The following EVX1 variants were observed in gnomAD, a reference collection of about 807,000 sequenced individuals.
The protein encoded by EVX1 is homeobox even-skipped homolog protein 1.
Under a neutral mutation model 28.6 loss-of-function variants are expected in EVX1, and 19 were observed. The ratio of observed to expected loss-of-function variants is 0.67; its 90% CI spans 0.46 to 0.98. The LOEUF is 0.98. Ranked by LOEUF, EVX1 falls within the 50% of genes least tolerant of loss-of-function variation. EVX1 has a pLI of 0.00. For synonymous variants in EVX1, 324 were observed against 278.2 expected, an observed-to-expected ratio of 1.16 and a Z score of -1.64; for missense variants, 660 against 583.0, an observed-to-expected ratio of 1.13 and a Z score of -1.36.
In EVX1 at chr7:27,246,612, T is replaced by C; in HGVS notation, c.*187T>C. On this transcript the variant is annotated 3_prime_UTR_variant, in exon 3 of 3. Transcript: ENST00000496902. ...GGAAAGCCTAGGAAGTGGCGGTGGC[T>C]GGCGCGTTTGGGGAGCAGGAGTGGG... is the stretch of plus-strand genomic sequence containing the variant. The C allele has an allele frequency of 1.6e-6, 1 of 644,888 alleles. No individual in the cohort carries two copies. The highest frequency in any genetic ancestry group is 2.5e-6 in the Non-Finnish European group (1 of 395,082). 39.9% of individuals were successfully genotyped at this position (644,888 alleles called of 1,614,324 possible).
In EVX1 at chr7:27,246,492, C is replaced by T. The variant is rs531851784; in HGVS notation, c.*67C>T. 2 of 1,473,766 alleles carry T rather than the reference C, an allele frequency of 1.4e-6. No homozygotes were observed. Among genetic ancestry groups the T allele is most frequent in the Non-Finnish European group, 1.8e-6 (2 of 1,096,838 alleles). The allele number at this position is 1,473,766 out of a possible 1,614,324, so 91.3% of individuals were successfully genotyped here. A position where few individuals can be genotyped will look rare whatever the true frequency, so the allele number is the denominator to read the frequency against. On this transcript the variant is annotated 3_prime_UTR_variant, in exon 3 of 3. Coordinates refer to ENST00000496902, the MANE Select transcript of EVX1 (RefSeq NM_001989.5). ...TCACCCCCCGGCCCCGGGACTCAGCCAGCCTCGCTCCTCGCTCCTCGCTCC... is the reference window on the plus strand; with the variant it reads ...TCACCCCCCGGCCCCGGGACTCAGCTAGCCTCGCTCCTCGCTCCTCGCTCC...
Position 27,242,848 on chromosome 7 carries a change from A to C in EVX1, c.-183A>C. The C allele has an allele frequency of 6.6e-6, 4 of 608,440 alleles. No homozygotes were observed. Among genetic ancestry groups the C allele is most frequent in the South Asian group, 4.4e-5 (2 of 45,826 alleles). 37.7% of individuals were successfully genotyped at this position (608,440 alleles called of 1,614,324 possible). ...AGCGCTCGCTTCACAAGGTGACCCT[A>C]GCTCCCACCGCCACCGCCGCGGTCG... On this transcript the variant is annotated 5_prime_UTR_variant, in exon 1 of 3. Transcript: ENST00000496902.
Position 27,246,077 on chromosome 7 carries a change from C to T in EVX1, c.876C>T (p.Ala292=), listed in dbSNP as rs533815364. ...CGGTGGGCCTGGGCGCCGCATCCGC[C>T]GCCTCCGCCGCCGCCTCGCCCTTCA... ...YSPVGLGAAS[A]ASAAASPFSG... is the part of the protein sequence containing the mutation. The change falls in exon 3 of 3, where the codon GCC becomes GCT. Residue 292 remains alanine (A), a synonymous_variant. Coordinates refer to ENST00000496902, the MANE Select transcript of EVX1 (RefSeq NM_001989.5). The T allele has an allele frequency of 3.4e-5, 54 of 1,572,412 alleles. No individual in the cohort carries two copies. The South Asian group carries it at 5.3e-4, about 16-fold the overall frequency.
chr7:27,244,659 C>T (rs1783120718), intron 1 of EVX1: 1 of 340,324 alleles, frequency 2.9e-6, no homozygotes, highest in Non-Finnish European at 4.9e-6. Flanking sequence ...TACTACAATG[C>T]ACTTGACCCA....
At chr7:27,244,504 C>G in intron 1 of EVX1, 1 of 988,248 alleles carries the variant, frequency 1.0e-6, no homozygotes, top group Non-Finnish European at 1.2e-6. Context: ...CTGGACTCCA[C>G]TCACATATAC....
rs756439599 is a variant in EVX1 at position 27,245,112 on chromosome 7, C to T, written c.492C>T (p.Gly164=). ...GGAGCGAGACCCCCAAGAGCAACGG[C>T]GGCAGTGGTGGGGGCGGCTCGCAAG... ...NGGSETPKSN[G]GSGGGGSQGT... The change falls in exon 2 of 3, where the codon GGC becomes GGT. Residue 164 remains glycine (G), a synonymous_variant. Coordinates refer to ENST00000496902, the MANE Select transcript of EVX1 (RefSeq NM_001989.5). The T allele has an allele frequency of 4.3e-6, 7 of 1,613,012 alleles. No individual in the cohort carries two copies. The Admixed American group carries it at 5.0e-5, about 12-fold the overall frequency.
In EVX1 at chr7:27,245,038, C is replaced by T. The variant is rs749323271; in HGVS notation, c.428-10C>T. ...TCTGTACACGCCTGTGCTCTGGACT[C>T]GCTGTGCAGGGTCCGGCTCCGAGGC... On this transcript the variant is annotated splice_polypyrimidine_tract_variant and intron_variant, in intron 1 of 2. Transcript: ENST00000496902. The T allele has an allele frequency of 9.3e-6, 15 of 1,606,820 alleles. No homozygotes were observed. The highest frequency in any genetic ancestry group is 1.6e-4 in the Middle Eastern group (1 of 6,064).
Position 27,246,122 on chromosome 7 carries a change from C to G in EVX1, c.921C>G (p.Leu307=), listed in dbSNP as rs990629695. ...ASPFSGSLRP[L]DTFRVLSQPY... ...CCTTCAGCGGCTCGCTGCGCCCGCT[C>G]GACACGTTCCGCGTGCTGTCGCAGC... Residue 307 remains leucine, a synonymous_variant, in exon 3 of 3, where the codon CTC becomes CTG. Transcript: ENST00000496902. 6.5e-7 allele frequency: 1 copy of G among 1,537,942 alleles called. No homozygotes were observed. Among genetic ancestry groups the G allele is most frequent in the Non-Finnish European group, 8.7e-7 (1 of 1,151,938 alleles).
rs930346521 is a variant in EVX1, at chr7:27,246,135, G to A, written c.934G>A (p.Val312Met). 3.9e-6 allele frequency: 6 copies of A among 1,530,840 alleles called. No individual in the cohort carries two copies. The highest frequency in any genetic ancestry group is 5.2e-6 in the Non-Finnish European group (6 of 1,148,456). 94.8% of individuals were successfully genotyped at this position (1,530,840 alleles called of 1,614,324 possible). Residue 312 changes from valine to methionine, a missense_variant, in exon 3 of 3, where the codon GTG (valine) becomes ATG (methionine). By Grantham distance (21) the Val-to-Met change is conservative. This residue lies in a region of EVX1 where 299 missense variants were observed against 241.3 expected (regional missense o/e 1.24). Coordinates refer to ENST00000496902, the MANE Select transcript of EVX1 (RefSeq NM_001989.5). Reference sequence around the variant, plus strand: ...GCTGCGCCCGCTCGACACGTTCCGCGTGCTGTCGCAGCCCTACCCGCGGCC... The same window carrying A: ...GCTGCGCCCGCTCGACACGTTCCGCATGCTGTCGCAGCCCTACCCGCGGCC... ...GSLRPLDTFR[V>M]LSQPYPRPEL...
At chr7:27,244,938 A>G in intron 1 of EVX1, 110 bp from the exon 2 acceptor site, 1 of 1,473,794 alleles carries the variant, frequency 6.8e-7, no homozygotes, top group Non-Finnish European at 9.1e-7. Flanking sequence ...GAGGTGGCTG[A>G]CAGGGTGTCC....
chr7:27,245,769 G>T, intron 2 of EVX1, 117 bp from the exon 3 acceptor site: 2 of 1,393,518 alleles, frequency 1.4e-6, no homozygotes, highest in Non-Finnish European at 1.9e-6. Context: ...TACCCGGCTG[G>T]TGTCTGCTTT....
chr7:27,243,570 C>T, intron 1 of EVX1, 113 bp downstream of exon 1: 1 of 1,166,054 alleles, frequency 8.6e-7, no homozygotes, highest in Non-Finnish European at 1.2e-6. Context: ...CTGGGGGGAC[C>T]CACCTGAGCA....
chr7:27,246,028 A>AGCTGCCCCTGCC lies in EVX1; in HGVS notation c.827_828insGCTGCCCCTGCC (p.His276delinsGlnLeuProLeuPro). On this transcript the variant is annotated protein_altering_variant, in exon 3 of 3. Transcript: ENST00000496902. ...GGCCTGCCCTACCCCTTCCCATCGCACCTGCCCCTGCCCTACTACTCGCCG... is the reference window on the plus strand; with the variant it reads ...GGCCTGCCCTACCCCTTCCCATCGCAGCTGCCCCTGCCCCTGCCCCTGCCCTACTACTCGCCG... 6.3e-7 allele frequency: 1 copy of AGCTGCCCCTGCC among 1,597,288 alleles called. No individual in the cohort carries two copies. The highest frequency in any genetic ancestry group is 8.5e-7 in the Non-Finnish European group (1 of 1,178,894).
rs1191983960 is a variant in EVX1 at position 27,246,577 on chromosome 7, C to T, written c.*152C>T. On this transcript the variant is annotated 3_prime_UTR_variant, in exon 3 of 3. Transcript: ENST00000496902. ...CGGAAAAGGACCAGCGGGATCCGGC[C>T]GCAAGAATTGGAAAGCCTAGGAAGT... 1.2e-6 allele frequency: 1 copy of T among 830,810 alleles called. No individual in the cohort carries two copies. Among genetic ancestry groups the T allele is most frequent in the Non-Finnish European group, 1.8e-6 (1 of 554,668 alleles). The allele number at this position is 830,810 out of a possible 1,614,324, so 51.5% of individuals were successfully genotyped here. A position where few individuals can be genotyped will look rare whatever the true frequency, so the allele number is the denominator to read the frequency against.
rs1562535312 is a variant in EVX1, at chr7:27,245,055, C to T, written c.435C>T (p.Gly145=). Residue 145 remains glycine (G), a synonymous_variant, in exon 2 of 3, where the codon GGC becomes GGT. Coordinates refer to ENST00000496902, the MANE Select transcript of EVX1 (RefSeq NM_001989.5). ...TCTGGACTCGCTGTGCAGGGTCCGG[C>T]TCCGAGGCGCTGGTCGGCAGTCCGA... is the stretch of plus-strand genomic sequence containing the variant. The part of the protein sequence containing the change: ...NAEYQHSKGS[G]SEALVGSPNG... 6.2e-7 allele frequency: 1 copy of T among 1,610,270 alleles called. No individual in the cohort carries two copies. The highest frequency in any genetic ancestry group is 8.5e-7 in the Non-Finnish European group (1 of 1,179,672).
At position 27,243,466 on chromosome 7, in the gene EVX1, C is replaced by T; in HGVS notation, c.427+9C>T. On this transcript the variant is annotated intron_variant, in intron 1 of 2. Coordinates refer to ENST00000496902, the MANE Select transcript of EVX1 (RefSeq NM_001989.5). Reference sequence around the variant, plus strand: ...GTACCAGCACAGCAAAGGTAGCCACCGTGCCCCTCCGCTCCCCGGGCCTCC... The same window carrying T: ...GTACCAGCACAGCAAAGGTAGCCACTGTGCCCCTCCGCTCCCCGGGCCTCC... 6.4e-7 allele frequency: 1 copy of T among 1,565,618 alleles called. No individual in the cohort carries two copies. Among genetic ancestry groups the T allele is most frequent in the Non-Finnish European group, 8.6e-7 (1 of 1,158,672 alleles).
Position 27,246,282 on chromosome 7 carries a change from G to C in EVX1, c.1081G>C (p.Ala361Pro), listed in dbSNP as rs1215030443. The C allele has an allele frequency of 6.3e-7, 1 of 1,576,986 alleles. No individual in the cohort carries two copies. Among genetic ancestry groups the C allele is most frequent in the East Asian group, 2.3e-5 (1 of 43,056 alleles). ...ACHSGPANGL[A>P]PRAAAASDFT... ...TCACAGCGGCCCGGCCAACGGGCTG[G>C]CGCCCCGGGCTGCCGCCGCCTCGGA... The change falls in exon 3 of 3, where the codon GCG (alanine) becomes CCG (proline). Residue 361 changes from alanine (A) to proline (P), a missense_variant. Transcript: ENST00000496902.
chr7:27,243,372 C>A lies in EVX1; in HGVS notation c.342C>A (p.Asp114Glu). The change falls in exon 1 of 3, where the codon GAC becomes GAA. Residue 114 changes from aspartate to glutamate, a missense_variant. By Grantham distance (45) the Asp-to-Glu change is conservative. Coordinates refer to ENST00000496902, the MANE Select transcript of EVX1 (RefSeq NM_001989.5). ...LSGQGQPSSS[D>E]TESDFYEEIE... is the part of the protein sequence containing the mutation. The stretch of plus-strand genomic sequence containing the variant: ...GACAGGGGCAACCCAGTAGCTCGGA[C>A]ACCGAGTCGGATTTCTATGAAGAAA... 6.2e-7 allele frequency: 1 copy of A among 1,611,800 alleles called. No individual in the cohort carries two copies. Among genetic ancestry groups the A allele is most frequent in the Non-Finnish European group, 8.5e-7 (1 of 1,179,642 alleles).
intron 1 of EVX1, 60 bp from the exon 2 acceptor site, chr7:27,244,988 C>T: frequency 1.3e-6 from 2 of 1,567,634 alleles, no homozygotes; most frequent in South Asian, 2.3e-5. Flanking sequence ...TACAGCCCCA[C>T]TTCAATGGCG....
Sources: allele counts gnomAD v4.1 joint callset, GRCh38; gene constraint gnomAD v4.1.1; regional missense constraint gnomAD v4.1.1; transcripts MANE v1.5; gene names NCBI Gene and HGNC (gene_info 2026-07-23, HGNC 2026-07-21).